Variants in PRKCZ observed in about 807,000 individuals in gnomAD.
PRKCZ encodes the protein protein kinase C zeta.
In PRKCZ, 33 loss-of-function variants were observed where a neutral mutation model predicts 79.5. The ratio of observed to expected loss-of-function variants is 0.41; its 90% CI spans 0.31 to 0.55. PRKCZ has a LOEUF of 0.55. PRKCZ is among the 20% of genes least tolerant of loss of function. The pLI is 0.19. For synonymous variants in PRKCZ, 342 were observed against 320.9 expected, an observed-to-expected ratio of 1.07 and a Z score of -0.70; for missense variants, 578 against 813.5, an observed-to-expected ratio of 0.71 and a Z score of 3.52.
rs201456573 is a variant in PRKCZ at position 2,173,919 on chromosome 1, G to A, written c.1308G>A (p.Ala436=). 1.7e-5 allele frequency: 28 copies of A among 1,611,894 alleles called. No individual in the cohort carries two copies. Among genetic ancestry groups the A allele is most frequent in the South Asian group, 1.3e-4 (12 of 90,650 alleles). The change falls in exon 14 of 18, where the codon GCG becomes GCA. Residue 436 remains alanine (A), a synonymous_variant. Transcript: ENST00000378567. The surrounding 1 kb of genome is among the most constrained non-coding windows in gnomAD (Gnocchi z 5.7). ...CAGGGTTCAGCGTGGACTGGTGGGC[G>A]CTGGGAGTCCTCATGTTTGAGATGA... ...EEYGFSVDWW[A]LGVLMFEMMA... is the part of the protein sequence containing the mutation.
Position 2,174,375 on chromosome 1 carries a change from C to T in PRKCZ, c.1405+359C>T, listed in dbSNP as rs1055890157. 2.0e-5 allele frequency among the ~76,000 whole-genome samples: 3 copies of T among 152,250 alleles called. No individual in the cohort carries two copies. Among genetic ancestry groups the T allele is most frequent in the Middle Eastern group, 3.2e-3 (1 of 316 alleles). Reference sequence around the variant, plus strand: ...ACAGCCACCATCATGGGCTCCTTCCCACCTGGAGGCCCCGGGACCTGCTCC... The same window carrying T: ...ACAGCCACCATCATGGGCTCCTTCCTACCTGGAGGCCCCGGGACCTGCTCC... On this transcript the variant is annotated intron_variant, in intron 14 of 17. Transcript: ENST00000378567. The surrounding 1 kb of genome is among the most constrained non-coding windows in gnomAD (Gnocchi z 6.2).
intron 4 of PRKCZ, among the ~76,000 whole-genome samples, chr1:2,112,715 G>A (rs1188539513): frequency 6.7e-6 from 1 of 150,032 alleles, no homozygotes; most frequent in African/African-American, 2.5e-5. Flanking sequence ...TGGAGACAGA[G>A]TCTTGCTCTT....
chr1:2,098,320 T>C (rs1666880317), intron 4 of PRKCZ: 1 of 152,254 alleles, frequency 6.6e-6, no homozygotes, highest in African/African-American at 2.4e-5. Context: ...CTAAAACCTT[T>C]GAAGAGGAAT....
chr1:2,054,571 A>T lies in PRKCZ; in HGVS notation c.72-870A>T, dbSNP rs1424591891. Among the ~76,000 whole-genome samples the T allele has an allele frequency of 6.1e-5, 9 of 147,086 alleles. No individual in the cohort carries two copies. In the South Asian group the frequency reaches 1.9e-3, roughly 32 times the overall value. ...CACTGACTCTGTGTGACTCGGTTTTAAAAAAAAAAAAATCTGCCGGGGCTT... is the reference window on the plus strand; with the variant it reads ...CACTGACTCTGTGTGACTCGGTTTTTAAAAAAAAAAAATCTGCCGGGGCTT... On this transcript the variant is annotated intron_variant, in intron 1 of 17. Coordinates refer to ENST00000378567, the MANE Select transcript of PRKCZ (RefSeq NM_002744.6).
intron 4 of PRKCZ, among the ~76,000 whole-genome samples, chr1:2,113,594 T>C (rs1670171879): frequency 6.6e-6 from 1 of 152,196 alleles, no homozygotes; most frequent in Non-Finnish European, 1.5e-5. Context: ...CCTGACATCC[T>C]GGAAGGGGGT....
intron 4 of PRKCZ, among the ~76,000 whole-genome samples, chr1:2,107,038 A>G (rs992169185): frequency 1.1e-4 from 17 of 152,360 alleles, no homozygotes; most frequent in Admixed American, 1.1e-3. Flanking sequence ...CGGCTGTCTC[A>G]GTTGTTTAAG....
chr1:2,130,418 G>A (rs1484657097), intron 4 of PRKCZ, among the ~76,000 whole-genome samples: 3 of 152,172 alleles, frequency 2.0e-5, no homozygotes, highest in East Asian at 3.9e-4. Flanking sequence ...GTGGGACTCC[G>A]CATGGGGGGC....
chr1:2,124,959 C>T (rs1489455334), intron 4 of PRKCZ, among the ~76,000 whole-genome samples: 2 of 152,166 alleles, frequency 1.3e-5, no homozygotes, highest in South Asian at 2.1e-4. Flanking sequence ...ACATCCTCAG[C>T]GCTGTGTCCC....
At chr1:2,058,114 G>C (rs376569104) in intron 3 of PRKCZ, among the ~76,000 whole-genome samples, 3 of 152,168 alleles carry the variant, frequency 2.0e-5, no homozygotes, top group African/African-American at 4.8e-5. Context: ...TGATCCACCC[G>C]CCTCAGCCTC....
intron 4 of PRKCZ, among the ~76,000 whole-genome samples, chr1:2,106,450 A>G (rs974145089): frequency 6.7e-6 from 1 of 149,420 alleles, no homozygotes; most frequent in African/African-American, 2.5e-5. Context: ...AGGCCAGGCG[A>G]CTCTCAGCAA....
At chr1:2,180,448 T>G (rs1282593755) in intron 16 of PRKCZ, among the ~76,000 whole-genome samples, 1 of 143,220 alleles carries the variant, frequency 7.0e-6, no homozygotes, top group Non-Finnish European at 1.5e-5. Flanking sequence ...CATCCACAGA[T>G]GACTCAGATG....
intron 16 of PRKCZ, among the ~76,000 whole-genome samples, chr1:2,180,316 GCA>G (rs1197234085): frequency 6.6e-6 from 1 of 152,060 alleles, no homozygotes; most frequent in Non-Finnish European, 1.5e-5. Flanking sequence ...GACTGCAGAT[GCA>G]CAGACAACTC....
At chr1:2,141,868 A>T (rs1266034004) in intron 5 of PRKCZ, 2 of 309,848 alleles carry the variant, frequency 6.5e-6, no homozygotes, top group African/African-American at 4.5e-5. Flanking sequence ...CTGCACAGCC[A>T]AAGTGCCTCC....
chr1:2,148,848 C>T, intron 7 of PRKCZ, 24 bp from the exon 8 acceptor site: 5 of 1,612,984 alleles, frequency 3.1e-6, no homozygotes, highest in Non-Finnish European at 4.2e-6. Context: ...CGTAACGCCC[C>T]TTCCTTCCTC....
chr1:2,155,676 T>G (rs1571879150), intron 9 of PRKCZ, among the ~76,000 whole-genome samples: 1 of 134,808 alleles, frequency 7.4e-6, no homozygotes, highest in Non-Finnish European at 1.6e-5. Context: ...TGGGTGGAGG[T>G]GGGAGGGATG....
chr1:2,115,661 C>T (rs981305986), intron 4 of PRKCZ, among the ~76,000 whole-genome samples: 4 of 152,212 alleles, frequency 2.6e-5, no homozygotes, highest in African/African-American at 7.2e-5. Flanking sequence ...TCGGGGGTGT[C>T]CGTGACCCCT....
intron 10 of PRKCZ, among the ~76,000 whole-genome samples, chr1:2,164,103 C>T (rs1482791572): frequency 6.6e-6 from 1 of 152,130 alleles, no homozygotes; most frequent in African/African-American, 2.4e-5. Flanking sequence ...TAATGTGCTT[C>T]TGAATTCAAT....
chr1:2,117,125 T>C (rs1670904231), intron 4 of PRKCZ, among the ~76,000 whole-genome samples: 2 of 151,928 alleles, frequency 1.3e-5, no homozygotes, highest in African/African-American at 4.8e-5. Flanking sequence ...ATTTTGGCAT[T>C]TTTTTGTAGA....
chr1:2,154,139 T>C (rs914486121), intron 9 of PRKCZ, among the ~76,000 whole-genome samples: 1 of 152,080 alleles, frequency 6.6e-6, no homozygotes, highest in African/African-American at 2.4e-5. Context: ...GGACGGGTGG[T>C]GGCAGGTGAG....
Sources: gnomAD v4.1 joint callset for allele counts (sites outside exome capture counted in the v4.1 genomes callset) on GRCh38, gnomAD v4.1.1 for gene constraint, Gnocchi (gnomAD v3.1) non-coding constraint, MANE v1.5 for transcripts, NCBI Gene and HGNC (gene_info 2026-07-23, HGNC 2026-07-21) for gene names.